UBE2O: variants seen among roughly 807,000 people sequenced by gnomAD.
The protein encoded by UBE2O is ubiquitin conjugating enzyme E2 O, also known as (E3-independent) E2 ubiquitin-conjugating enzyme.
In UBE2O, 15 loss-of-function variants were observed where a neutral mutation model predicts 125.8. The ratio of observed to expected loss-of-function variants is 0.12; its 90% CI spans 0.08 to 0.18. The LOEUF is 0.18. UBE2O is among the 10% of genes least tolerant of loss of function. The pLI, the probability that UBE2O is intolerant of heterozygous loss-of-function variation, is 1.00. For missense variants in UBE2O, 1,280 were observed against 1,723.6 expected, an observed-to-expected ratio of 0.74 and a Z score of 4.56; for synonymous variants, 708 against 703.2, an observed-to-expected ratio of 1.01 and a Z score of -0.11.
In UBE2O at chr17:76,399,422, T is replaced by C. The variant is rs1166189020; in HGVS notation, c.1628+27A>G. 1.2e-6 allele frequency: 2 copies of C among 1,605,226 alleles called. No individual in the cohort carries two copies. The highest frequency in any genetic ancestry group is 2.2e-5 in the South Asian group (2 of 90,266). ...CTGCCTGGCTTCACGCTGACGCCAT[T>C]GGGGAGGGGCACAACTCTGAGTTTA... is the stretch of plus-strand genomic sequence containing the variant. On this transcript the variant is annotated intron_variant, in intron 9 of 17. Coordinates refer to ENST00000319380, the MANE Select transcript of UBE2O (RefSeq NM_022066.4). This position sits in a 1 kb window ranked among gnomAD's most constrained non-coding sequence, Gnocchi z 6.9.
intron 1 of UBE2O, among the ~76,000 whole-genome samples, chr17:76,428,144 T>C (rs1195165153): frequency 6.6e-6 from 1 of 152,250 alleles, no homozygotes; most frequent in Non-Finnish European, 1.5e-5. Flanking sequence ...CACCCCATTG[T>C]CTTCTGGCTT....
chr17:76,426,013 C>G (rs1261840518), intron 1 of UBE2O, among the ~76,000 whole-genome samples: 1 of 152,138 alleles, frequency 6.6e-6, no homozygotes, highest in Non-Finnish European at 1.5e-5. Context: ...CCAGCCCTTA[C>G]ATGCCTAAAA....
At chr17:76,422,223 G>A (rs959559597) in intron 1 of UBE2O, among the ~76,000 whole-genome samples, 1 of 152,206 alleles carries the variant, frequency 6.6e-6, no homozygotes, top group African/African-American at 2.4e-5. Flanking sequence ...TTCACAGCCT[G>A]AGTGGTCCTG....
At position 76,402,215 on chromosome 17, in the gene UBE2O, T is replaced by G. The variant is rs908737857; in HGVS notation, c.687-88A>C. On this transcript the variant is annotated intron_variant, in intron 4 of 17. Coordinates refer to ENST00000319380, the MANE Select transcript of UBE2O (RefSeq NM_022066.4). This position sits in a 1 kb window ranked among gnomAD's most constrained non-coding sequence, Gnocchi z 5.4. ...ATTCTGAGATGCCAATGCGCCCACA[T>G]GCCCTAAATAGCACAATTCGTCTTC... 30 of 1,184,098 alleles carry G rather than the reference T, an allele frequency of 2.5e-5. No homozygotes were observed. The highest frequency in any genetic ancestry group is 2.4e-4 in the African/African-American group (16 of 65,970). The allele number at this position is 1,184,098 out of a possible 1,614,324, so 73.3% of individuals were successfully genotyped here.
At chr17:76,425,225 C>CA (rs58377572) in intron 1 of UBE2O, among the ~76,000 whole-genome samples, 9,637 of 94,220 alleles carry the variant, frequency 0.1, 650 homozygotes, top group Non-Finnish European at 0.15. Context: ...GTCCTTTCGA[C>CA]AAAAAAAAAA....
At chr17:76,446,530 T>C (rs1451937401) in intron 1 of UBE2O, among the ~76,000 whole-genome samples, 3 of 150,566 alleles carry the variant, frequency 2.0e-5, no homozygotes, top group Non-Finnish European at 4.4e-5. Context: ...ATGGGGAAGG[T>C]GCAAAGAGGC....
At chr17:76,409,181 G>A (rs1011823595) in intron 1 of UBE2O, among the ~76,000 whole-genome samples, 3 of 152,022 alleles carry the variant, frequency 2.0e-5, no homozygotes, top group Non-Finnish European at 2.9e-5. Context: ...TATTAGCCAC[G>A]ATGCTCTCGA....
At position 76,391,501 on chromosome 17, in the gene UBE2O, G is replaced by A. The variant is rs149639572; in HGVS notation, c.3321C>T (p.Arg1107=). ...CCAGCTGGGTCATGGACTGCACCAC[G>A]CGGATCAGCGCCATCTCATTGTAAC... ...SRCYNEMALI[R]VVQSMTQLVR... The change falls in exon 18 of 18, where the codon CGC becomes CGT. Residue 1107 remains arginine (R), a synonymous_variant. Coordinates refer to ENST00000319380, the MANE Select transcript of UBE2O (RefSeq NM_022066.4). The surrounding 1 kb of genome is among the most constrained non-coding windows in gnomAD (Gnocchi z 8.4). 6.8e-6 allele frequency: 11 copies of A among 1,614,012 alleles called. No homozygotes were observed. Among genetic ancestry groups the A allele is most frequent in the African/African-American group, 1.3e-5 (1 of 75,070 alleles).
chr17:76,437,443 C>G (rs527723200), intron 1 of UBE2O, among the ~76,000 whole-genome samples: 34 of 143,568 alleles, frequency 2.4e-4, no homozygotes, highest in African/African-American at 7.7e-4. Context: ...GAGCGAGATT[C>G]CATCTCAAAA....
chr17:76,449,471 A>G (rs1351127357), intron 1 of UBE2O, among the ~76,000 whole-genome samples: 2 of 152,200 alleles, frequency 1.3e-5, no homozygotes, highest in African/African-American at 2.4e-5. Flanking sequence ...GCTATGCGGG[A>G]GGCTGAGGCA....
At position 76,389,614 on chromosome 17, in the gene UBE2O, G is replaced by A. The variant is rs1307891907; in HGVS notation, c.*1329C>T. 6.6e-6 allele frequency: 1 copy of A among 151,330 alleles called. No individual in the cohort carries two copies. The highest frequency in any genetic ancestry group is 6.6e-5 in the Admixed American group (1 of 15,214). 9.4% of individuals were successfully genotyped at this position (151,330 alleles called of 1,614,324 possible). A position where few individuals can be genotyped will look rare whatever the true frequency, so the allele number is the denominator to read the frequency against. On this transcript the variant is annotated 3_prime_UTR_variant, in exon 18 of 18. Transcript: ENST00000319380. The stretch of plus-strand genomic sequence containing the variant: ...GCATTCACATCTCCACATGTACAAT[G>A]CACTGGGAAGCACAGCCCCACCAGT...
chr17:76,441,138 G>A (rs1598621641), intron 1 of UBE2O, among the ~76,000 whole-genome samples: 1 of 152,232 alleles, frequency 6.6e-6, no homozygotes, highest in East Asian at 1.9e-4. Context: ...TTTAAGGGAA[G>A]TGAGATGACA....
chr17:76,415,997 ATATACGTATGTG>A (rs2072601716), intron 1 of UBE2O, among the ~76,000 whole-genome samples: 1 of 151,514 alleles, frequency 6.6e-6, no homozygotes, highest in South Asian at 2.1e-4. Flanking sequence ...ACATACACGT[ATATACGTATGTG>A]TATACATATG....
intron 1 of UBE2O, among the ~76,000 whole-genome samples, chr17:76,421,645 G>GT (rs904910044): frequency 9.2e-5 from 14 of 152,230 alleles, no homozygotes; most frequent in African/African-American, 3.1e-4. Context: ...GATTACAGGC[G>GT]TGAGCCACCA....
chr17:76,435,382 ATC>A (rs1469813890), intron 1 of UBE2O, among the ~76,000 whole-genome samples: 1 of 149,668 alleles, frequency 6.7e-6, no homozygotes, highest in East Asian at 2.0e-4. Context: ...TGCATATATT[ATC>A]TGTTTAAATA....
rs777099923 is a variant in UBE2O at position 76,396,084 on chromosome 17, C to A, written c.2809+44G>T. 3.8e-6 allele frequency: 6 copies of A among 1,596,488 alleles called. No homozygotes were observed. The highest frequency in any genetic ancestry group is 4.5e-5 in the East Asian group (2 of 44,710). ...GATCTGGTGACACAAACAGGAGCCC[C>A]GAGAAGGCGGGGGAAGGCGAAGACC... On this transcript the variant is annotated intron_variant, in intron 14 of 17. Transcript: ENST00000319380. The surrounding 1 kb of genome is among the most constrained non-coding windows in gnomAD (Gnocchi z 6.7).
intron 1 of UBE2O, among the ~76,000 whole-genome samples, chr17:76,429,619 G>A (rs1227650824): frequency 6.6e-6 from 1 of 151,374 alleles, no homozygotes; most frequent in Non-Finnish European, 1.5e-5. Flanking sequence ...ACATAAGCAA[G>A]GCTCTGGACA....
intron 1 of UBE2O, among the ~76,000 whole-genome samples, chr17:76,426,713 C>T (rs2072817058): frequency 6.6e-6 from 1 of 152,070 alleles, no homozygotes; most frequent in African/African-American, 2.4e-5. Context: ...TTCAAATCAC[C>T]CCCTCACTGA....
chr17:76,414,497 C>T lies in UBE2O; in HGVS notation c.418-8925G>A, dbSNP rs571686847. On this transcript the variant is annotated intron_variant, in intron 1 of 17. Transcript: ENST00000319380. ...TGGCGGTGGGGGAAGGCAGGAGGAC[C>T]GGGGTTGCAGGGGAACTGCACACCA... Among the ~76,000 whole-genome samples the T allele has an allele frequency of 3.0e-4, 45 of 152,270 alleles. No individual in the cohort carries two copies. In the South Asian group the frequency reaches 7.0e-3, roughly 24 times the overall value.
Sources: allele counts gnomAD v4.1 joint callset (sites outside exome capture counted in the v4.1 genomes callset), GRCh38; gene constraint gnomAD v4.1.1; non-coding constraint Gnocchi (gnomAD v3.1); transcripts MANE v1.5; gene names NCBI Gene and HGNC (gene_info 2026-07-23, HGNC 2026-07-21).